The following GRIA4 variants were observed in gnomAD, a reference collection of about 807,000 sequenced individuals.
GRIA4 encodes glutamate receptor 4.
Under a neutral mutation model 104.0 loss-of-function variants are expected in GRIA4, and 34 were observed. That is an observed-to-expected ratio of 0.33 (90% CI 0.25 to 0.44). The LOEUF (loss-of-function observed/expected upper bound fraction) is 0.44. GRIA4 is among the 20% of genes least tolerant of loss of function. The probability of loss-of-function intolerance (pLI) is 1.00; values close to 1 mark genes in which losing one functional copy is unlikely to be tolerated. For synonymous variants in GRIA4, 386 were observed against 381.9 expected (o/e 1.01, Z -0.13); for missense variants, 750 against 1,096.5 (o/e 0.68, Z 4.46).
At position 105,671,677 on chromosome 11, in the gene GRIA4, CA is replaced by C. The variant is rs377767108; in HGVS notation, c.247+59267del. Among the ~76,000 whole-genome samples the C allele has an allele frequency of 5.8e-3, 371 of 64,488 alleles. 2 individuals carry two copies. The highest frequency in any genetic ancestry group is 0.036 in the East Asian group (67 of 1,862). 42.3% of individuals were successfully genotyped at this position (64,488 alleles called of 152,430 possible). On this transcript the variant is annotated intron_variant, in intron 3 of 16. Coordinates refer to ENST00000282499, the MANE Select transcript of GRIA4 (RefSeq NM_000829.4). ...TGGGTGACAGAGTGAGACTCTGTCT[CA>C]AAAAAAAAAAAAAAAAAAAAAAAGA...
At chr11:105,844,756 T>C (rs931200422) in intron 4 of GRIA4, among the ~76,000 whole-genome samples, 9 of 152,220 alleles carry the variant, frequency 5.9e-5, no homozygotes, top group Admixed American at 4.6e-4. Context: ...GCTGCTACCA[T>C]TACTGCTACT....
chr11:105,629,237 A>C (rs1950969107), intron 3 of GRIA4, among the ~76,000 whole-genome samples: 1 of 150,310 alleles, frequency 6.7e-6, no homozygotes. Flanking sequence ...TGTCTCTAAG[A>C]AAATAAACTA....
chr11:105,838,174 G>T (rs938570191), intron 4 of GRIA4, among the ~76,000 whole-genome samples: 7 of 152,144 alleles, frequency 4.6e-5, no homozygotes, highest in African/African-American at 1.2e-4. Context: ...TCAAATAACT[G>T]TGCTTCTCTT....
At chr11:105,670,070 AGGTAT>A (rs1368241290) in intron 3 of GRIA4, among the ~76,000 whole-genome samples, 2 of 152,142 alleles carry the variant, frequency 1.3e-5, no homozygotes, top group African/African-American at 4.8e-5. Flanking sequence ...AGTAAATGTA[AGGTAT>A]AACACAAATA....
At chr11:105,943,061 A>C (rs939732819) in intron 14 of GRIA4, among the ~76,000 whole-genome samples, 2 of 152,130 alleles carry the variant, frequency 1.3e-5, no homozygotes, top group African/African-American at 4.8e-5. Flanking sequence ...CAAAATTCTC[A>C]TACCTCTTTG....
intron 6 of GRIA4, 122 bp downstream of exon 6, chr11:105,887,694 CATG>C (rs1946315639): frequency 5.2e-6 from 3 of 581,640 alleles, no homozygotes; most frequent in Admixed American, 6.7e-5. Context: ...TTTAATAACA[CATG>C]ATATTTTATT....
intron 4 of GRIA4, among the ~76,000 whole-genome samples, chr11:105,852,223 G>A (rs1944837376): frequency 6.6e-6 from 1 of 152,106 alleles, no homozygotes; most frequent in Non-Finnish European, 1.5e-5. Flanking sequence ...TTTTCGTTTG[G>A]AGGGAGTGTG....
intron 4 of GRIA4, among the ~76,000 whole-genome samples, chr11:105,795,395 C>A (rs1294054192): frequency 6.6e-6 from 1 of 152,106 alleles, no homozygotes; most frequent in East Asian, 1.9e-4. Context: ...ATGGAGAAGT[C>A]ATGCCTTGGC....
At chr11:105,676,523 A>G (rs967697290) in intron 3 of GRIA4, among the ~76,000 whole-genome samples, 1 of 388 alleles carries the variant, frequency 2.6e-3, no homozygotes, top group South Asian at 0.25. Context: ...AAAAATTATA[A>G]AAAAAAGAAT....
At chr11:105,910,590 G>T in intron 10 of GRIA4, 45 bp downstream of exon 10, 1 of 1,032,582 alleles carries the variant, frequency 9.7e-7, no homozygotes, top group South Asian at 1.3e-5. Flanking sequence ...TTGTCCACAG[G>T]CAATTTTAAC....
At chr11:105,943,827 T>C (rs1948240120) in intron 14 of GRIA4, among the ~76,000 whole-genome samples, 2 of 152,098 alleles carry the variant, frequency 1.3e-5, no homozygotes, top group Non-Finnish European at 2.9e-5. Flanking sequence ...TAAGCACAGC[T>C]TTACCATCTC....
intron 3 of GRIA4, among the ~76,000 whole-genome samples, chr11:105,628,405 T>A (rs1423121757): frequency 6.6e-6 from 1 of 152,136 alleles, no homozygotes; most frequent in African/African-American, 2.4e-5. Flanking sequence ...CCACATCTCA[T>A]CTTGAATTGT....
At chr11:105,755,356 T>G (rs1940241022) in intron 4 of GRIA4, among the ~76,000 whole-genome samples, 1 of 152,188 alleles carries the variant, frequency 6.6e-6, no homozygotes, top group African/African-American at 2.4e-5. Context: ...AATAAGTCTC[T>G]ATAAATCACT....
At chr11:105,830,169 T>A (rs1394071518) in intron 4 of GRIA4, among the ~76,000 whole-genome samples, 1 of 151,994 alleles carries the variant, frequency 6.6e-6, no homozygotes, top group Non-Finnish European at 1.5e-5. Flanking sequence ...CACTAGTAAG[T>A]TTTCTAAATG....
At chr11:105,783,135 G>T (rs1941803247) in intron 4 of GRIA4, among the ~76,000 whole-genome samples, 1 of 152,118 alleles carries the variant, frequency 6.6e-6, no homozygotes. Context: ...TACCCTGGAA[G>T]AAAATTAAGA....
At chr11:105,803,098 T>C (rs1942791909) in intron 4 of GRIA4, among the ~76,000 whole-genome samples, 1 of 152,052 alleles carries the variant, frequency 6.6e-6, no homozygotes, top group Non-Finnish European at 1.5e-5. Context: ...TTGTCTTTTA[T>C]TACATTAATA....
chr11:105,975,150 A>T (rs547273130), intron 16 of GRIA4, among the ~76,000 whole-genome samples: 65 of 152,310 alleles, frequency 4.3e-4, no homozygotes, highest in Non-Finnish European at 8.4e-4. Flanking sequence ...CTTGAGCCAG[A>T]CCTTTAAGGA....
rs767891728 is a variant in GRIA4 at position 105,974,596 on chromosome 11, T to C, written c.2544+152T>C. The stretch of plus-strand genomic sequence containing the variant: ...CCGACTACAGTGAGTGGGGGATGCA[T>C]CCTGTGAACGCAGTGTTGTGACCTG... On this transcript the variant is annotated intron_variant, in intron 16 of 16. Transcript: ENST00000282499. 3 of 1,590,120 alleles carry C rather than the reference T, an allele frequency of 1.9e-6. No individual in the cohort carries two copies. The African/African-American group carries it at 4.0e-5, about 21-fold the overall frequency.
intron 3 of GRIA4, among the ~76,000 whole-genome samples, chr11:105,644,651 T>C (rs1951473428): frequency 2.6e-5 from 4 of 152,218 alleles, no homozygotes; most frequent in Non-Finnish European, 4.4e-5. Context: ...CATTTTTATC[T>C]TTTTAGAAAA....
Sources: gnomAD v4.1 joint callset for allele counts (sites outside exome capture counted in the v4.1 genomes callset) on GRCh38, gnomAD v4.1.1 for gene constraint, MANE v1.5 for transcripts, NCBI Gene and HGNC (gene_info 2026-07-23, HGNC 2026-07-21) for gene names.